Variants in SNTG1 observed in about 807,000 individuals in gnomAD.
SNTG1 encodes syntrophin gamma 1.
Under a neutral mutation model 74.7 loss-of-function variants are expected in SNTG1, and 39 were observed. The ratio of observed to expected loss-of-function variants is 0.52; its 90% CI spans 0.40 to 0.68. The LOEUF (loss-of-function observed/expected upper bound fraction) is 0.68, where lower values mean the gene tolerates loss of function less well. Among genes scored for constraint, SNTG1 ranks in the 30% least tolerant of loss-of-function variants. The pLI is 0.00. For synonymous variants in SNTG1, 254 were observed against 217.1 expected (o/e 1.17, Z -1.49); for missense variants, 685 against 609.5 (o/e 1.12, Z -1.30).
chr8:50,101,054 A>G (rs2080104180), intron 1 of SNTG1, among the ~76,000 whole-genome samples: 1 of 152,104 alleles, frequency 6.6e-6, no homozygotes, highest in Non-Finnish European at 1.5e-5. Flanking sequence ...TTCCTACGTT[A>G]CTTTGCTTAG....
chr8:50,345,993 T>A (rs2091463619), intron 2 of SNTG1, among the ~76,000 whole-genome samples: 1 of 152,234 alleles, frequency 6.6e-6, no homozygotes, highest in Non-Finnish European at 1.5e-5. Flanking sequence ...CGGTATTATG[T>A]GAATATTTGA....
At chr8:50,523,704 G>A (rs190997180) in intron 9 of SNTG1, among the ~76,000 whole-genome samples, 74 of 152,166 alleles carry the variant, frequency 4.9e-4, no homozygotes, top group Non-Finnish European at 9.1e-4. Context: ...ACCATACCAC[G>A]TATAATAATA....
At position 49,944,897 on chromosome 8, in the gene SNTG1, C is replaced by T. The variant is rs908476949; in HGVS notation, c.-103+32666C>T. 2.6e-5 allele frequency among the ~76,000 whole-genome samples: 4 copies of T among 151,962 alleles called. No individual in the cohort carries two copies. In the East Asian group the frequency reaches 7.7e-4, roughly 29 times the overall value. ...TCATCTCCCGGGCTCAAGCGATTCT[C>T]TTGCCTCAGCCTCCTGAGTAGCTGG... On this transcript the variant is annotated intron_variant, in intron 1 of 18. Coordinates refer to ENST00000642720, the MANE Select transcript of SNTG1 (RefSeq NM_018967.5).
At chr8:50,782,321 C>G (rs979380966) in intron 18 of SNTG1, among the ~76,000 whole-genome samples, 3 of 152,206 alleles carry the variant, frequency 2.0e-5, no homozygotes, top group African/African-American at 7.2e-5. Flanking sequence ...GTTCCATTCT[C>G]CCCGTCACTT....
At chr8:50,351,008 C>T (rs2091642982) in intron 2 of SNTG1, among the ~76,000 whole-genome samples, 1 of 152,162 alleles carries the variant, frequency 6.6e-6, no homozygotes, top group African/African-American at 2.4e-5. Context: ...CTCTTTGGGT[C>T]CACACTGCCT....
At chr8:50,133,101 C>A (rs1046902675) in intron 1 of SNTG1, among the ~76,000 whole-genome samples, 6 of 152,120 alleles carry the variant, frequency 3.9e-5, no homozygotes, top group Admixed American at 1.3e-4. Context: ...GAAGCAAGGA[C>A]GAGCCAGTCT....
At chr8:50,365,754 A>T (rs2131104950) in intron 2 of SNTG1, among the ~76,000 whole-genome samples, 1 of 152,256 alleles carries the variant, frequency 6.6e-6, no homozygotes, top group East Asian at 1.9e-4. Flanking sequence ...ATAAGTGTTG[A>T]TTAAGAACTC....
chr8:49,999,008 C>T (rs750661816), intron 1 of SNTG1, among the ~76,000 whole-genome samples: 1 of 152,046 alleles, frequency 6.6e-6, no homozygotes, highest in Non-Finnish European at 1.5e-5. Context: ...CATTGCTTGA[C>T]ACTGTGATGG....
At chr8:50,730,755 A>G (rs913363747) in intron 17 of SNTG1, among the ~76,000 whole-genome samples, 4 of 152,212 alleles carry the variant, frequency 2.6e-5, no homozygotes, top group African/African-American at 9.6e-5. Flanking sequence ...ATTCATCTTC[A>G]GAAAGTTCTT....
chr8:50,506,015 G>A (rs927587768), intron 9 of SNTG1, among the ~76,000 whole-genome samples: 1 of 151,918 alleles, frequency 6.6e-6, no homozygotes, highest in Non-Finnish European at 1.5e-5. Context: ...TTTGTGTTGA[G>A]TCAATTTTTA....
rs1802783457 is a variant in SNTG1, at chr8:50,795,774, G to A, written c.*2945G>A. 6.6e-6 allele frequency: 1 copy of A among 151,910 alleles called. No homozygotes were observed. The highest frequency in any genetic ancestry group is 6.6e-5 in the Admixed American group (1 of 15,222). The allele number at this position is 151,910 out of a possible 1,614,324, so 9.4% of individuals were successfully genotyped here. A position where few individuals can be genotyped will look rare whatever the true frequency, so the allele number is the denominator to read the frequency against. ...TCTAAGTCGAAGTATATTACAGAAA[G>A]GGCATTTATAATTTGTTAAAATGCA... On this transcript the variant is annotated 3_prime_UTR_variant, in exon 19 of 19. Coordinates refer to ENST00000642720, the MANE Select transcript of SNTG1 (RefSeq NM_018967.5).
chr8:50,484,137 C>CTTTCTTTCTTTCCTTCTTTCT (rs1563453444), intron 8 of SNTG1, among the ~76,000 whole-genome samples: 1 of 55,868 alleles, frequency 1.8e-5, no homozygotes, highest in African/African-American at 5.5e-5. Flanking sequence ...TCTTTCTTTC[C>CTTTCTTTCTTTCCTTCTTTCT]TTCTTTCTTT....
chr8:50,535,140 A>T (rs972034113), intron 10 of SNTG1, among the ~76,000 whole-genome samples: 8 of 152,190 alleles, frequency 5.3e-5, no homozygotes, highest in African/African-American at 1.9e-4. Context: ...GGGCTAGATT[A>T]TAAGAAATTT....
chr8:50,485,102 G>A (rs1345054574), intron 8 of SNTG1, among the ~76,000 whole-genome samples: 1 of 152,096 alleles, frequency 6.6e-6, no homozygotes, highest in Non-Finnish European at 1.5e-5. Context: ...ATCTGATAAT[G>A]GAAACTTTGC....
intron 16 of SNTG1, chr8:50,707,955 C>A (rs2095449111): frequency 1.3e-5 from 5 of 387,036 alleles, no homozygotes; most frequent in South Asian, 1.4e-4. Flanking sequence ...GTAATCCCAG[C>A]ACTTTGGGAG....
chr8:50,196,122 G>A (rs1039534285), intron 2 of SNTG1, among the ~76,000 whole-genome samples: 1 of 152,112 alleles, frequency 6.6e-6, no homozygotes, highest in Non-Finnish European at 1.5e-5. Context: ...TGAAGTTGAT[G>A]GAATTGTCCC....
chr8:50,727,166 G>A lies in SNTG1; in HGVS notation c.1284+18188G>A, dbSNP rs1029365784. Among the ~76,000 whole-genome samples, 42 of 152,282 alleles carry A rather than the reference G, an allele frequency of 2.8e-4. No homozygotes were observed. The Middle Eastern group carries it at 0.014, about 49-fold the overall frequency. On this transcript the variant is annotated intron_variant, in intron 17 of 18. Coordinates refer to ENST00000642720, the MANE Select transcript of SNTG1 (RefSeq NM_018967.5). Reference sequence around the variant, plus strand: ...GATGACATAGAGATTCATGAGGTGTGTGGGAATTAGAATTAACAGAATTAG... The same window carrying A: ...GATGACATAGAGATTCATGAGGTGTATGGGAATTAGAATTAACAGAATTAG...
chr8:50,197,067 C>T (rs958193370), intron 2 of SNTG1, among the ~76,000 whole-genome samples: 1 of 152,028 alleles, frequency 6.6e-6, no homozygotes, highest in African/African-American at 2.4e-5. Context: ...TACCACTTTG[C>T]TACTACTTGG....
At chr8:49,930,175 T>A (rs1240675329) in intron 1 of SNTG1, among the ~76,000 whole-genome samples, 2 of 152,016 alleles carry the variant, frequency 1.3e-5, no homozygotes, top group African/African-American at 2.4e-5. Flanking sequence ...ATGAACTTTA[T>A]AAGGTTATCA....
Sources: gnomAD v4.1 joint callset for allele counts (sites outside exome capture counted in the v4.1 genomes callset) on GRCh38, gnomAD v4.1.1 for gene constraint, MANE v1.5 for transcripts, NCBI Gene and HGNC (gene_info 2026-07-23, HGNC 2026-07-21) for gene names.